The following CUX2 variants were observed in gnomAD, a reference collection of about 807,000 sequenced individuals.
CUX2 encodes homeobox protein cut-like 2.
Under a neutral mutation model 144.8 loss-of-function variants are expected in CUX2, and 40 were observed. That is an observed-to-expected ratio of 0.28 (90% confidence interval 0.21 to 0.36). The LOEUF (loss-of-function observed/expected upper bound fraction) is 0.36. CUX2 is among the 10% of genes least tolerant of loss of function. The probability of loss-of-function intolerance (pLI) is 1.00; values close to 1 mark genes in which losing one functional copy is unlikely to be tolerated. For missense variants in CUX2, 1,615 were observed against 1,994.0 expected (o/e 0.81, Z 3.62); for synonymous variants, 827 against 875.6 (o/e 0.94, Z 0.98).
intron 3 of CUX2, among the ~76,000 whole-genome samples, chr12:111,245,309 G>A (rs1189037677): frequency 6.6e-6 from 1 of 152,044 alleles, no homozygotes; most frequent in East Asian, 1.9e-4. Context: ...GCCAAGGCAG[G>A]AGGATCACTT....
intron 19 of CUX2, among the ~76,000 whole-genome samples, chr12:111,336,597 G>A (rs1455999633): frequency 6.6e-6 from 1 of 151,814 alleles, no homozygotes; most frequent in Non-Finnish European, 1.5e-5. Flanking sequence ...ACAGGCCTGA[G>A]CCACCACTCC....
At chr12:111,184,594 A>C (rs974995891) in intron 1 of CUX2, among the ~76,000 whole-genome samples, 1 of 151,088 alleles carries the variant, frequency 6.6e-6, no homozygotes, top group Non-Finnish European at 1.5e-5. Flanking sequence ...AAAAAAAAAA[A>C]AAAAACAGAA....
chr12:111,214,308 GA>G lies in CUX2; in HGVS notation c.173del (p.Glu58GlyfsTer11). On this transcript the variant is annotated frameshift_variant and splice_region_variant, in exon 2 of 22. Coordinates refer to ENST00000261726, the MANE Select transcript of CUX2 (RefSeq NM_015267.4). LOFTEE classifies it high-confidence loss of function. The part of the protein sequence containing the change: ...LRREFKKNVP[E>X]EIREMVAPVL... Reference sequence around the variant, plus strand: ...CCGGGAATTTAAGAAAAATGTACCTGAGGTATGGTATATTTGCCGTTATAGA... The same window carrying G: ...CCGGGAATTTAAGAAAAATGTACCTGGGTATGGTATATTTGCCGTTATAGA... 6.5e-7 allele frequency: 1 copy of G among 1,542,854 alleles called. No homozygotes were observed. Among genetic ancestry groups the G allele is most frequent in the Non-Finnish European group, 8.9e-7 (1 of 1,122,152 alleles).
At chr12:111,152,798 A>G (rs142380727) in intron 1 of CUX2, among the ~76,000 whole-genome samples, 78 of 152,206 alleles carry the variant, frequency 5.1e-4, no homozygotes, top group Middle Eastern at 6.8e-3. Context: ...CGGGGGAAGG[A>G]GGTGTTAGCT....
chr12:111,265,309 T>TTTTATTTTTATTTTA (rs1173178839), intron 4 of CUX2, among the ~76,000 whole-genome samples: 2 of 143,640 alleles, frequency 1.4e-5, no homozygotes, highest in African/African-American at 5.4e-5. Flanking sequence ...TTTTATTTTA[T>TTTTATTTTTATTTTA]TTTTATTTTA....
At chr12:111,038,071 C>G (rs879643894) in intron 1 of CUX2, among the ~76,000 whole-genome samples, 2 of 152,190 alleles carry the variant, frequency 1.3e-5, no homozygotes, top group Non-Finnish European at 2.9e-5. Flanking sequence ...GAGAAACTTC[C>G]GGGAACACTC....
chr12:111,137,001 G>A (rs1448996941), intron 1 of CUX2, among the ~76,000 whole-genome samples: 2 of 151,176 alleles, frequency 1.3e-5, no homozygotes, highest in African/African-American at 4.9e-5. Flanking sequence ...GCAGTGGCAC[G>A]ATCTTGGTTC....
chr12:111,121,056 G>T (rs1193964821), intron 1 of CUX2, among the ~76,000 whole-genome samples: 2 of 145,696 alleles, frequency 1.4e-5, no homozygotes, highest in African/African-American at 2.5e-5. Context: ...ATCGACGCTG[G>T]TAGTTTATTT....
At chr12:111,258,839 C>T (rs1592892076) in intron 3 of CUX2, among the ~76,000 whole-genome samples, 1 of 152,238 alleles carries the variant, frequency 6.6e-6, no homozygotes, top group East Asian at 1.9e-4. Flanking sequence ...GGGTGCACCA[C>T]CACACCTGAC....
chr12:111,214,388 T>C lies in CUX2; in HGVS notation c.174+78T>C, dbSNP rs182633681. 60 of 827,272 alleles carry C rather than the reference T, an allele frequency of 7.3e-5. No individual in the cohort carries two copies. In the East Asian group the frequency reaches 1.6e-3, roughly 23 times the overall value. The allele number at this position is 827,272 out of a possible 1,614,324, so 51.2% of individuals were successfully genotyped here. A position where few individuals can be genotyped will look rare whatever the true frequency, so the allele number is the denominator to read the frequency against. On this transcript the variant is annotated intron_variant, in intron 2 of 21. Transcript: ENST00000261726. ...TCCATTCAAACTATATTTTGAAAAC[T>C]GTAGATGCAAGTGACTAACAAGAAA...
At chr12:111,280,169 A>T (rs752579000) in intron 4 of CUX2, among the ~76,000 whole-genome samples, 70 of 149,504 alleles carry the variant, frequency 4.7e-4, no homozygotes, top group Non-Finnish European at 8.9e-5. Flanking sequence ...TACGCCTGTA[A>T]TCTCAGCTAC....
chr12:111,134,973 G>T (rs1286094557), intron 1 of CUX2, among the ~76,000 whole-genome samples: 3 of 152,130 alleles, frequency 2.0e-5, no homozygotes, highest in Non-Finnish European at 2.9e-5. Context: ...TCCCTTGAGG[G>T]CCACAGAAGC....
At chr12:111,278,574 T>C (rs1884984699) in intron 4 of CUX2, among the ~76,000 whole-genome samples, 1 of 152,170 alleles carries the variant, frequency 6.6e-6, no homozygotes, top group Non-Finnish European at 1.5e-5. Flanking sequence ...TTTCATCACT[T>C]ATCACACATT....
rs535897787 is a variant in CUX2 at position 111,323,049 on chromosome 12, G to A, written c.2926+469G>A. 2.6e-5 allele frequency among the ~76,000 whole-genome samples: 4 copies of A among 152,344 alleles called. No individual in the cohort carries two copies. In the South Asian group the frequency reaches 8.3e-4, roughly 32 times the overall value. On this transcript the variant is annotated intron_variant, in intron 18 of 21. Coordinates refer to ENST00000261726, the MANE Select transcript of CUX2 (RefSeq NM_015267.4). ...GGAGTGTCAGCTTTGCCCGGGTGAG[G>A]AAACGGAGGCTCAGAGGGATGCCCA...
chr12:111,129,944 A>G (rs1875358013), intron 1 of CUX2, among the ~76,000 whole-genome samples: 1 of 152,156 alleles, frequency 6.6e-6, no homozygotes, highest in South Asian at 2.1e-4. Flanking sequence ...AACTCTATTG[A>G]TCACCTGACC....
chr12:111,041,361 G>A (rs78353870), intron 1 of CUX2, among the ~76,000 whole-genome samples: 3,696 of 152,282 alleles, frequency 0.024, 164 homozygotes, highest in African/African-American at 0.085. Context: ...AGCAGCGGCT[G>A]GAACTTGCTG....
At chr12:111,129,987 G>A (rs754727569) in intron 1 of CUX2, among the ~76,000 whole-genome samples, 19 of 152,166 alleles carry the variant, frequency 1.2e-4, no homozygotes, top group African/African-American at 2.9e-4. Context: ...GGAGGGCTAC[G>A]GTGACATTTT....
chr12:111,298,616 G>A (rs987200476), intron 9 of CUX2, 27 bp downstream of exon 9: 4 of 1,555,418 alleles, frequency 2.6e-6, no homozygotes, highest in Non-Finnish European at 3.5e-6. Context: ...CCCACCCGTG[G>A]GTGCCAGAGG....
At chr12:111,330,734 T>TACATACATATAC (rs1565926348) in intron 18 of CUX2, among the ~76,000 whole-genome samples, 2 of 54,856 alleles carry the variant, frequency 3.6e-5, no homozygotes, top group African/African-American at 1.4e-4. Flanking sequence ...TATATATATA[T>TACATACATATAC]ATATATATAT....
Sources: allele counts gnomAD v4.1 joint callset (sites outside exome capture counted in the v4.1 genomes callset), GRCh38; gene constraint gnomAD v4.1.1; transcripts MANE v1.5; gene names NCBI Gene and HGNC (gene_info 2026-07-23, HGNC 2026-07-21).